Variants in PCDHA4 observed in about 807,000 individuals in gnomAD.
PCDHA4 encodes protocadherin alpha 4, also known as protocadherin alpha-4.
Under a neutral mutation model 61.4 loss-of-function variants are expected in PCDHA4, and 49 were observed. That is an observed-to-expected ratio of 0.80 (90% confidence interval 0.63 to 1.01). The LOEUF is 1.01. Ranked by LOEUF, PCDHA4 falls within the 50% of genes least tolerant of loss-of-function variation. The pLI is 0.00. For synonymous variants in PCDHA4, 590 were observed against 550.3 expected (o/e 1.07, Z -1.01); for missense variants, 1,254 against 1,235.8 (o/e 1.01, Z -0.22).
intron 1 of PCDHA4, among the ~76,000 whole-genome samples, chr5:140,954,639 T>A (rs1433862413): frequency 6.6e-6 from 1 of 152,240 alleles, no homozygotes; most frequent in East Asian, 1.9e-4. Flanking sequence ...TCTTGTAAAT[T>A]TGTTTAAGTT....
chr5:140,884,803 C>T, intron 1 of PCDHA4: 1 of 1,225,142 alleles, frequency 8.2e-7, no homozygotes, highest in Non-Finnish European at 1.1e-6. Context: ...AATTTAACAA[C>T]TCTGCTGTGG....
At position 140,857,030 on chromosome 5, in the gene PCDHA4, C is replaced by T. The variant is rs370499942; in HGVS notation, c.2385+47458C>T. The T allele has an allele frequency of 4.7e-5, 75 of 1,596,300 alleles. 6 individuals carry two copies. Among genetic ancestry groups the T allele is most frequent in the Non-Finnish European group, 6.0e-5 (70 of 1,166,132 alleles). ...AGATGTTACAGATAAGGGAAACCCA[C>T]CTATGGTTGGTCACTGCACGGTCCT... On this transcript the variant is annotated intron_variant, in intron 1 of 3. Transcript: ENST00000530339.
intron 1 of PCDHA4, among the ~76,000 whole-genome samples, chr5:140,872,414 C>T (rs138959813): frequency 1.3e-5 from 2 of 152,128 alleles, no homozygotes; most frequent in East Asian, 1.9e-4. Context: ...ATTGCTTGAG[C>T]CCAAGAGTTC....
intron 1 of PCDHA4, chr5:140,850,311 T>C (rs2150479083): frequency 1.3e-6 from 2 of 1,597,000 alleles, no homozygotes; most frequent in African/African-American, 1.3e-5. Context: ...CTACAACGCG[T>C]GGCTTTCATA....
chr5:140,948,885 T>C (rs2094319889), intron 1 of PCDHA4, among the ~76,000 whole-genome samples: 1 of 151,652 alleles, frequency 6.6e-6, no homozygotes, highest in Non-Finnish European at 1.5e-5. Context: ...TTGCTCTCTT[T>C]TAGATTTTAA....
chr5:140,854,297 T>C (rs1194574834), intron 1 of PCDHA4: 2 of 419,142 alleles, frequency 4.8e-6, no homozygotes, highest in Non-Finnish European at 6.4e-6. Context: ...TATTATTTTG[T>C]GCGTGGAGAT....
chr5:140,901,459 C>G (rs528238941), intron 1 of PCDHA4, among the ~76,000 whole-genome samples: 1 of 152,160 alleles, frequency 6.6e-6, no homozygotes, highest in South Asian at 2.1e-4. Flanking sequence ...CACAGACTGT[C>G]TTTTCTCGAG....
intron 1 of PCDHA4, among the ~76,000 whole-genome samples, chr5:140,951,512 C>T (rs2094592870): frequency 6.6e-6 from 1 of 152,004 alleles, no homozygotes; most frequent in Non-Finnish European, 1.5e-5. Context: ...GAAAGCGGCT[C>T]ATCTTACATG....
chr5:140,912,343 A>AT (rs35252606), intron 1 of PCDHA4, among the ~76,000 whole-genome samples: 1,442 of 143,856 alleles, frequency 0.01, 7 homozygotes, highest in South Asian at 0.021. Flanking sequence ...TACACTAAGT[A>AT]TTTTTTTTTT....
rs149166530 is a variant in PCDHA4, at chr5:140,990,443, A to G, written c.2533+7880A>G. Among the ~76,000 whole-genome samples the G allele has an allele frequency of 8.3e-4, 127 of 152,344 alleles. 2 individuals carry two copies. The East Asian group carries it at 0.024, about 29-fold the overall frequency. On this transcript the variant is annotated intron_variant, in intron 3 of 3. Transcript: ENST00000530339. ...CCAGCATTGACCCAATCTTGTGTCC[A>G]GAGCTGTTGCTGTAGGTGGTATCAT...
intron 1 of PCDHA4, among the ~76,000 whole-genome samples, chr5:140,880,228 A>G (rs2058273237): frequency 6.6e-6 from 1 of 152,196 alleles, no homozygotes; most frequent in Non-Finnish European, 1.5e-5. Context: ...GAACATTTAA[A>G]TTAGTGTATG....
At chr5:140,882,087 C>A in intron 1 of PCDHA4, 2 of 1,081,718 alleles carry the variant, frequency 1.8e-6, no homozygotes, top group Non-Finnish European at 2.6e-6. Flanking sequence ...TCGCTCTTCA[C>A]TGAGAACGTT....
In PCDHA4 at chr5:140,850,283, A is replaced by C. The variant is rs143335350; in HGVS notation, c.2385+40711A>C. The C allele has an allele frequency of 4.9e-5, 78 of 1,595,592 alleles. 6 individuals carry two copies. In the African/African-American group the frequency reaches 9.3e-4, roughly 19 times the overall value. On this transcript the variant is annotated intron_variant, in intron 1 of 3. Coordinates refer to ENST00000530339, the MANE Select transcript of PCDHA4 (RefSeq NM_018907.4). ...GCGTAGTGGTGGGGAAGGTGCGCGC[A>C]GTGGACGCCGACTCGGGCTACAACG...
At chr5:140,959,203 G>A (rs1554223942) in intron 1 of PCDHA4, among the ~76,000 whole-genome samples, 1 of 152,128 alleles carries the variant, frequency 6.6e-6, no homozygotes. Context: ...ATGGTGAAAT[G>A]CTGTCCTTAC....
intron 1 of PCDHA4, chr5:140,969,388 A>G: frequency 6.3e-7 from 1 of 1,595,066 alleles, no homozygotes; most frequent in Non-Finnish European, 8.5e-7. Flanking sequence ...CACATCCCCC[A>G]ATATCCTGTG....
At chr5:140,935,291 C>T (rs1221872941) in intron 1 of PCDHA4, among the ~76,000 whole-genome samples, 4 of 152,100 alleles carry the variant, frequency 2.6e-5, no homozygotes, top group East Asian at 1.9e-4. Context: ...TTCAGCACTC[C>T]GAGGTTTTTA....
chr5:140,866,561 T>C (rs2049423335), intron 1 of PCDHA4: 1 of 152,136 alleles, frequency 6.6e-6, no homozygotes, highest in Non-Finnish European at 1.5e-5. Context: ...TCCTATAATT[T>C]TGTTAATACA....
chr5:140,863,116 G>A (rs1554157785), intron 1 of PCDHA4: 7 of 589,834 alleles, frequency 1.2e-5, no homozygotes, highest in African/African-American at 1.9e-5. Flanking sequence ...CGAGGCGAAA[G>A]CTACGCGCCA....
chr5:140,879,310 T>A (rs541864795), intron 1 of PCDHA4, among the ~76,000 whole-genome samples: 1 of 152,296 alleles, frequency 6.6e-6, no homozygotes, highest in African/African-American at 2.4e-5. Context: ...AAAGTAGAAG[T>A]TGACTCTCAC....
Sources: gnomAD v4.1 joint callset for allele counts (sites outside exome capture counted in the v4.1 genomes callset) on GRCh38, gnomAD v4.1.1 for gene constraint, MANE v1.5 for transcripts, NCBI Gene and HGNC (gene_info 2026-07-23, HGNC 2026-07-21) for gene names.